The following PACSIN1 variants were observed in gnomAD, a reference collection of about 807,000 sequenced individuals.
PACSIN1 encodes the protein protein kinase C and casein kinase substrate in neurons protein 1.
In PACSIN1, 15 loss-of-function variants were observed where a neutral mutation model predicts 59.5. That is an observed-to-expected ratio of 0.25 (90% confidence interval 0.17 to 0.39). PACSIN1 has a LOEUF of 0.39. Among genes scored for constraint, PACSIN1 ranks in the 10% least tolerant of loss-of-function variants. The pLI, the probability that PACSIN1 is intolerant of heterozygous loss-of-function variation, is 1.00. For synonymous variants in PACSIN1, 210 were observed against 220.6 expected, an observed-to-expected ratio of 0.95 and a Z score of 0.42; for missense variants, 420 against 580.2, an observed-to-expected ratio of 0.72 and a Z score of 2.84.
intron 2 of PACSIN1, among the ~76,000 whole-genome samples, chr6:34,526,925 C>T (rs947082522): frequency 2.0e-5 from 3 of 152,204 alleles, no homozygotes; most frequent in Non-Finnish European, 2.9e-5. Context: ...GTCGACAAAA[C>T]ATAATATTAT....
At chr6:34,496,508 T>C (rs2127255631) in intron 1 of PACSIN1, among the ~76,000 whole-genome samples, 1 of 152,216 alleles carries the variant, frequency 6.6e-6, no homozygotes, top group South Asian at 2.1e-4. Flanking sequence ...CCCAGCTCCT[T>C]AGTGCTCCTT....
In PACSIN1 at chr6:34,527,339, A is replaced by T. The variant is rs1276457148; in HGVS notation, c.71A>T (p.Asn24Ile). ...ETTDSFWEVG[N>I]YKRTVKRIDD... is the part of the protein sequence containing the mutation. ...TCGCTGCTTGGCCGCCAGGTGGGGAACTACAAGCGGACCGTGAAGCGCATC... is the reference window on the plus strand; with the variant it reads ...TCGCTGCTTGGCCGCCAGGTGGGGATCTACAAGCGGACCGTGAAGCGCATC... Residue 24 changes from asparagine to isoleucine, a missense_variant, in exon 3 of 10, where the codon AAC (asparagine) becomes ATC (isoleucine). Asn to Ile is a moderately radical substitution (Grantham distance 149). Coordinates refer to ENST00000244458, the MANE Select transcript of PACSIN1 (RefSeq NM_020804.5). The T allele has an allele frequency of 6.3e-7, 1 of 1,578,656 alleles. No individual in the cohort carries two copies. The highest frequency in any genetic ancestry group is 8.6e-7 in the Non-Finnish European group (1 of 1,162,972).
intron 1 of PACSIN1, among the ~76,000 whole-genome samples, chr6:34,469,085 A>G (rs1435187735): frequency 6.6e-6 from 1 of 150,858 alleles, no homozygotes; most frequent in African/African-American, 2.4e-5. Flanking sequence ...GGAAGGACAG[A>G]AGGGACAGGA....
intron 2 of PACSIN1, 146 bp from the exon 3 acceptor site, chr6:34,527,186 C>A: frequency 1.5e-6 from 1 of 664,848 alleles, no homozygotes; most frequent in Non-Finnish European, 1.9e-6. Context: ...CGCCGCGGGG[C>A]GGGGGGCGGG....
At chr6:34,526,133 C>T (rs888606717) in intron 1 of PACSIN1, 110 bp from the exon 2 acceptor site, 5 of 593,814 alleles carry the variant, frequency 8.4e-6, no homozygotes, top group Non-Finnish European at 1.5e-5. Flanking sequence ...AGATGGCATC[C>T]TAATGCAAGC....
intron 1 of PACSIN1, among the ~76,000 whole-genome samples, chr6:34,523,474 A>G (rs1189019897): frequency 6.6e-6 from 1 of 152,200 alleles, no homozygotes; most frequent in Admixed American, 6.5e-5. Flanking sequence ...TGACATGTGA[A>G]TGGTATGTGC....
At chr6:34,500,820 G>T (rs1327038194) in intron 1 of PACSIN1, among the ~76,000 whole-genome samples, 1 of 152,230 alleles carries the variant, frequency 6.6e-6, no homozygotes, top group Non-Finnish European at 1.5e-5. Flanking sequence ...ATCTTAGCTA[G>T]ATCTGGATAA....
Position 34,530,610 on chromosome 6 carries a change from C to T in PACSIN1, c.1037+23C>T, listed in dbSNP as rs1387364694. On this transcript the variant is annotated intron_variant, in intron 8 of 9. Coordinates refer to ENST00000244458, the MANE Select transcript of PACSIN1 (RefSeq NM_020804.5). This position sits in a 1 kb window ranked among gnomAD's most constrained non-coding sequence, Gnocchi z 4.4. ...CAGGTGAGTGCCTCCTGTGGAGCTT[C>T]CTGGGGCCAAGAGGGACCCACACTC... 6.5e-7 allele frequency: 1 copy of T among 1,534,580 alleles called. No individual in the cohort carries two copies. Among genetic ancestry groups the T allele is most frequent in the Non-Finnish European group, 8.8e-7 (1 of 1,142,538 alleles).
At chr6:34,473,070 G>T (rs1221872635) in intron 1 of PACSIN1, among the ~76,000 whole-genome samples, 3 of 152,152 alleles carry the variant, frequency 2.0e-5, no homozygotes, top group African/African-American at 7.2e-5. Flanking sequence ...AGCTGTGCTT[G>T]TGAGCCTCTC....
chr6:34,492,179 T>G (rs1561959760), intron 1 of PACSIN1, among the ~76,000 whole-genome samples: 2 of 149,230 alleles, frequency 1.3e-5, no homozygotes, highest in Non-Finnish European at 3.0e-5. Flanking sequence ...CTTGCCTGCA[T>G]CTGTTCTTTT....
intron 3 of PACSIN1, among the ~76,000 whole-genome samples, chr6:34,527,898 G>A (rs1169002222): frequency 1.3e-5 from 2 of 152,144 alleles, no homozygotes; most frequent in African/African-American, 4.8e-5. Flanking sequence ...TATCTCCTAA[G>A]AACAAGAGCA....
chr6:34,478,122 C>T (rs1235404901), intron 1 of PACSIN1, among the ~76,000 whole-genome samples: 3 of 148,868 alleles, frequency 2.0e-5, no homozygotes, highest in East Asian at 2.0e-4. Context: ...CACAGTGGCG[C>T]GATCTCGGCT....
intron 1 of PACSIN1, among the ~76,000 whole-genome samples, chr6:34,471,240 G>A (rs529289332): frequency 1.6e-4 from 25 of 152,302 alleles, no homozygotes; most frequent in African/African-American, 5.3e-4. Context: ...GAGCCACCGC[G>A]CCTGGCCCTG....
rs989657629 is a variant in PACSIN1 at position 34,529,933 on chromosome 6, C to T, written c.788+92C>T. ...GCATCCCAGCCCTCCATCACAGTGACGGGAAGGGGAGGCAGAGCTGCAGGG... is the reference window on the plus strand; with the variant it reads ...GCATCCCAGCCCTCCATCACAGTGATGGGAAGGGGAGGCAGAGCTGCAGGG... On this transcript the variant is annotated intron_variant, in intron 6 of 9. Transcript: ENST00000244458. The surrounding 1 kb of genome is among the most constrained non-coding windows in gnomAD (Gnocchi z 6.3). 1.1e-5 allele frequency: 15 copies of T among 1,390,168 alleles called. No homozygotes were observed. The highest frequency in any genetic ancestry group is 6.0e-5 in the Admixed American group (3 of 50,172). 86.1% of individuals were successfully genotyped at this position (1,390,168 alleles called of 1,614,324 possible). A position where few individuals can be genotyped will look rare whatever the true frequency, so the allele number is the denominator to read the frequency against.
At chr6:34,491,813 T>C (rs1359337945) in intron 1 of PACSIN1, among the ~76,000 whole-genome samples, 2 of 152,076 alleles carry the variant, frequency 1.3e-5, no homozygotes, top group East Asian at 1.9e-4. Flanking sequence ...GGTTTCACCA[T>C]GTTGACCAGG....
chr6:34,469,256 A>G (rs1766538866), intron 1 of PACSIN1, among the ~76,000 whole-genome samples: 1 of 152,132 alleles, frequency 6.6e-6, no homozygotes, highest in South Asian at 2.1e-4. Context: ...ATTTTTTCTT[A>G]TTACCAAAGT....
At chr6:34,512,870 G>A (rs185771975) in intron 1 of PACSIN1, among the ~76,000 whole-genome samples, 10 of 152,334 alleles carry the variant, frequency 6.6e-5, no homozygotes, top group East Asian at 1.9e-4. Context: ...CCGAGGGCTC[G>A]AATCCCAGCC....
chr6:34,528,885 GT>G lies in PACSIN1; in HGVS notation c.456+9del. On this transcript the variant is annotated intron_variant, in intron 4 of 9. Coordinates refer to ENST00000244458, the MANE Select transcript of PACSIN1 (RefSeq NM_020804.5). ...GCCAAGAAGATGAAGGAGGTGCTCAGTGGGTGCTGCCACGGGCGGGGTGGGG... is the reference window on the plus strand; with the variant it reads ...GCCAAGAAGATGAAGGAGGTGCTCAGGGGTGCTGCCACGGGCGGGGTGGGG... 6.4e-7 allele frequency: 1 copy of G among 1,572,040 alleles called. No homozygotes were observed. The highest frequency in any genetic ancestry group is 8.7e-7 in the Non-Finnish European group (1 of 1,146,790).
intron 1 of PACSIN1, among the ~76,000 whole-genome samples, chr6:34,503,927 G>C (rs1767064966): frequency 6.6e-6 from 1 of 152,082 alleles, no homozygotes; most frequent in Non-Finnish European, 1.5e-5. Context: ...CTGCTGTTCT[G>C]ACCTCAATCT....
Sources: gnomAD v4.1 joint callset for allele counts (sites outside exome capture counted in the v4.1 genomes callset) on GRCh38, gnomAD v4.1.1 for gene constraint, Gnocchi (gnomAD v3.1) non-coding constraint, MANE v1.5 for transcripts, NCBI Gene and HGNC (gene_info 2026-07-23, HGNC 2026-07-21) for gene names.